HMGXB3: variants seen among roughly 807,000 people sequenced by gnomAD.
HMGXB3 encodes the protein HMG-box containing 3, also known as HMG domain-containing protein 3.
A neutral mutation model predicts 121.5 loss-of-function variants in HMGXB3; 45 were observed. The observed-to-expected ratio is 0.37, with a 90% CI of 0.29 to 0.47. HMGXB3 has a LOEUF of 0.47. Ranked by LOEUF, HMGXB3 falls within the 20% of genes least tolerant of loss-of-function variation. The pLI, the probability that HMGXB3 is intolerant of heterozygous loss-of-function variation, is 0.99. For missense variants in HMGXB3, 1,376 were observed against 1,602.2 expected, an observed-to-expected ratio of 0.86 and a Z score of 2.41; for synonymous variants, 590 against 624.1, an observed-to-expected ratio of 0.95 and a Z score of 0.81.
chr5:150,014,697 G>A (rs1256177882), intron 5 of HMGXB3: 6 of 222,272 alleles, frequency 2.7e-5, no homozygotes, highest in Non-Finnish European at 5.2e-5. Flanking sequence ...AGTGTTTGGT[G>A]CCTGTTTCCA....
chr5:150,030,531 T>G (rs1451992891), intron 9 of HMGXB3: 2 of 536,080 alleles, frequency 3.7e-6, no homozygotes, highest in Admixed American at 3.3e-5. Flanking sequence ...TATTAGAAAC[T>G]GCACAGAAGC....
intron 5 of HMGXB3, 99 bp from the exon 6 acceptor site, chr5:150,018,467 T>G: frequency 9.9e-7 from 1 of 1,011,554 alleles, no homozygotes; most frequent in African/African-American, 1.7e-5. Flanking sequence ...ATTGGTTATC[T>G]TTCCACAAGC....
chr5:150,013,378 C>T (rs1406787137), intron 5 of HMGXB3, among the ~76,000 whole-genome samples: 1 of 152,142 alleles, frequency 6.6e-6, no homozygotes, highest in African/African-American at 2.4e-5. Context: ...TGGTGAATTT[C>T]ACTATTACTC....
At chr5:150,048,832 C>G (rs216125) in intron 18 of HMGXB3, 147 bp downstream of exon 18, 506,975 of 633,802 alleles carry the variant, frequency 0.8, 204,598 homozygotes, top group African/African-American at 0.95. Context: ...GTGCTACCCC[C>G]TGGGCTAGGG....
At chr5:150,019,777 G>A (rs1756046218) in intron 6 of HMGXB3, among the ~76,000 whole-genome samples, 1 of 152,176 alleles carries the variant, frequency 6.6e-6, no homozygotes, top group Admixed American at 6.5e-5. Context: ...GTCCAAACTT[G>A]TATGTGTAGA....
In HMGXB3 at chr5:150,051,984, A is replaced by G. The variant is rs374466435; in HGVS notation, c.3671A>G (p.Asn1224Ser). ...CGCCAGCGGCCCATTGCCTTCGACA[A>G]TGCCACTCACTATTACCTCTACAAC... is the stretch of plus-strand genomic sequence containing the variant. ...GVRQRPIAFD[N>S]ATHYYLYNRL... is the part of the protein sequence containing the mutation. Residue 1224 changes from asparagine to serine, a missense_variant, in exon 20 of 20, where the codon AAT (asparagine) becomes AGT (serine). Physicochemically the swap from Asn to Ser is conservative, Grantham distance 46 (BLOSUM62 1). Around this residue, in one of 2 missense-constraint regions of HMGXB3, gnomAD observed 260 missense variants for 233.2 expected, o/e 1.11. Coordinates refer to ENST00000502717, the MANE Select transcript of HMGXB3 (RefSeq NM_014983.3). 6.4e-5 allele frequency: 99 copies of G among 1,552,208 alleles called. No individual in the cohort carries two copies. The highest frequency in any genetic ancestry group is 1.7e-4 in the Middle Eastern group (1 of 5,994).
intron 10 of HMGXB3, 75 bp from the exon 11 acceptor site, chr5:150,032,379 G>A (rs1756400965): frequency 7.2e-7 from 1 of 1,382,566 alleles, no homozygotes; most frequent in Non-Finnish European, 9.9e-7. Flanking sequence ...ACTGGCAGCT[G>A]CTCATTCTGG....
intron 11 of HMGXB3, among the ~76,000 whole-genome samples, chr5:150,033,756 C>T (rs1756436248): frequency 6.6e-6 from 1 of 152,046 alleles, no homozygotes; most frequent in African/African-American, 2.4e-5. Context: ...GACAGGACTA[C>T]AGAGGTGGGG....
intron 9 of HMGXB3, among the ~76,000 whole-genome samples, chr5:150,029,376 TAATGAG>T (rs1321032868): frequency 6.6e-6 from 1 of 151,314 alleles, no homozygotes; most frequent in African/African-American, 2.4e-5. Context: ...GCTGACGTTA[TAATGAG>T]GTTTGAGGGA....
In HMGXB3 at chr5:150,037,383, G is replaced by A. The variant is rs1302323113; in HGVS notation, c.2286-17G>A. On this transcript the variant is annotated splice_polypyrimidine_tract_variant and intron_variant, in intron 12 of 19. Transcript: ENST00000502717. ...CTTTCCCTTCTTTTTTTTTGTTGGT[G>A]ATGTTTCTGGTACTAGCTCCCTGGC... 6.6e-7 allele frequency: 1 copy of A among 1,510,260 alleles called. No homozygotes were observed. Among genetic ancestry groups the A allele is most frequent in the East Asian group, 2.5e-5 (1 of 40,220 alleles). 93.6% of individuals were successfully genotyped at this position (1,510,260 alleles called of 1,614,324 possible).
chr5:150,043,250 T>TA (rs909532997), intron 15 of HMGXB3, among the ~76,000 whole-genome samples: 10 of 151,822 alleles, frequency 6.6e-5, no homozygotes, highest in South Asian at 2.1e-4. Context: ...CTTTAGGGTT[T>TA]AAAAAAAAAT....
intron 2 of HMGXB3, among the ~76,000 whole-genome samples, chr5:150,006,237 C>T (rs1311242534): frequency 6.6e-6 from 1 of 152,120 alleles, no homozygotes; most frequent in Non-Finnish European, 1.5e-5. Flanking sequence ...CTTATTATAA[C>T]ACCATCTGAG....
intron 2 of HMGXB3, 68 bp from the exon 3 acceptor site, chr5:150,006,405 G>A (rs1755702371): frequency 8.7e-6 from 12 of 1,381,914 alleles, no homozygotes; most frequent in Middle Eastern, 2.2e-4. Flanking sequence ...ATGGGGAGTG[G>A]GAAGTGGAGG....
chr5:150,048,366 T>C (rs1448756720), intron 17 of HMGXB3, among the ~76,000 whole-genome samples: 1 of 152,224 alleles, frequency 6.6e-6, no homozygotes, highest in Non-Finnish European at 1.5e-5. Context: ...TCTGGCTGGC[T>C]TTGTCTGTGA....
chr5:150,021,514 T>C (rs1007862850), intron 6 of HMGXB3: 1 of 329,074 alleles, frequency 3.0e-6, no homozygotes. Context: ...TCTTAAAACA[T>C]TGAGATTTTT....
In HMGXB3 at chr5:150,010,493, C is replaced by G; in HGVS notation, c.695C>G (p.Thr232Arg). The G allele has an allele frequency of 1.9e-6, 3 of 1,551,702 alleles. No homozygotes were observed. Among genetic ancestry groups the G allele is most frequent in the Non-Finnish European group, 2.6e-6 (3 of 1,147,004 alleles). The change falls in exon 4 of 20, where the codon ACA (threonine) becomes AGA (arginine). Residue 232 changes from threonine (T) to arginine (R), a missense_variant. By Grantham distance (71) the Thr-to-Arg change is moderately conservative. This residue lies in a region of HMGXB3 where 1,116 missense variants were observed against 1,369.0 expected (regional missense o/e 0.82). Coordinates refer to ENST00000502717, the MANE Select transcript of HMGXB3 (RefSeq NM_014983.3). ...GGGGAGAGCCACCAACCTTACCAGA[C>G]AAGCCTGGTAATTGAAGAGACCTTG... The part of the protein sequence containing the change: ...EVGESHQPYQ[T>R]SLVIEETLVN...
intron 11 of HMGXB3, 50 bp from the exon 12 acceptor site, chr5:150,036,586 C>A: frequency 6.9e-7 from 1 of 1,442,276 alleles, no homozygotes; most frequent in Non-Finnish European, 9.2e-7. Context: ...TAGCCTGAAG[C>A]TGGCTCTTTC....
rs1756010833 is a variant in HMGXB3 at position 150,018,554 on chromosome 5, C to G, written c.910-12C>G. ...GTTGTTCTATTGATTCTGATGTGCT[C>G]TTTATTTACAGACCACTACATATAC... On this transcript the variant is annotated splice_polypyrimidine_tract_variant and intron_variant, in intron 5 of 19. Transcript: ENST00000502717. 1.3e-6 allele frequency: 2 copies of G among 1,533,004 alleles called. No homozygotes were observed. Among genetic ancestry groups the G allele is most frequent in the Non-Finnish European group, 8.8e-7 (1 of 1,137,900 alleles). 95.0% of individuals were successfully genotyped at this position (1,533,004 alleles called of 1,614,324 possible).
chr5:150,036,467 C>T (rs932414158), intron 11 of HMGXB3, among the ~76,000 whole-genome samples, 169 bp from the exon 12 acceptor site: 12 of 152,240 alleles, frequency 7.9e-5, no homozygotes, highest in African/African-American at 2.9e-4. Flanking sequence ...GAAAAATAAC[C>T]AGCCTTTAGT....
Sources: gnomAD v4.1 joint callset for allele counts (sites outside exome capture counted in the v4.1 genomes callset) on GRCh38, gnomAD v4.1.1 for gene constraint, gnomAD v4.1.1 regional missense constraint, MANE v1.5 for transcripts, NCBI Gene and HGNC (gene_info 2026-07-23, HGNC 2026-07-21) for gene names.